Variants in RBBP6 observed in about 807,000 individuals in gnomAD.
RBBP6 encodes the protein E3 ubiquitin-protein ligase RBBP6.
In RBBP6, 25 loss-of-function variants were observed where a neutral mutation model predicts 167.7. That is an observed-to-expected ratio of 0.15 (90% CI 0.11 to 0.21). The LOEUF is 0.21. RBBP6 is among the 10% of genes least tolerant of loss of function. RBBP6 has a pLI of 1.00. For missense variants in RBBP6, 1,868 were observed against 2,134.2 expected (o/e 0.88, Z 2.46); for synonymous variants, 789 against 735.8 (o/e 1.07, Z -1.17).
In RBBP6 at chr16:24,549,069, T is replaced by C. The variant is rs750958664; in HGVS notation, c.303+88T>C. 5 of 1,559,888 alleles carry C rather than the reference T, an allele frequency of 3.2e-6. No homozygotes were observed. In the East Asian group the frequency reaches 7.1e-5, roughly 22 times the overall value. Reference sequence around the variant, plus strand: ...TGAAGTAAATCATTTTAGAACTTAATATCCAACTGATCATAGTACATATTG... The same window carrying C: ...TGAAGTAAATCATTTTAGAACTTAACATCCAACTGATCATAGTACATATTG... On this transcript the variant is annotated intron_variant, in intron 3 of 17. Transcript: ENST00000319715.
In RBBP6 at chr16:24,572,768, AG is replaced by A. The variant is rs2141481499; in HGVS notation, c.*324del. On this transcript the variant is annotated 3_prime_UTR_variant, in exon 18 of 18. Coordinates refer to ENST00000319715, the MANE Select transcript of RBBP6 (RefSeq NM_006910.5). ...TAATTGCCTGGCAAAAGCTGATATA[AG>A]TTCTAAAATATCAGCAGAATGATTT... The A allele has an allele frequency of 4.6e-6, 1 of 216,198 alleles. No individual in the cohort carries two copies. Among genetic ancestry groups the A allele is most frequent in the East Asian group, 1.0e-4 (1 of 9,898 alleles). The allele number at this position is 216,198 out of a possible 1,614,324, so 13.4% of individuals were successfully genotyped here.
rs189300234 is a variant in RBBP6 at position 24,567,251 on chromosome 16, G to T, written c.1698G>T (p.Pro566=). 3 of 1,613,950 alleles carry T rather than the reference G, an allele frequency of 1.9e-6. No individual in the cohort carries two copies. Among genetic ancestry groups the T allele is most frequent in the South Asian group, 2.2e-5 (2 of 91,072 alleles). Residue 566 remains proline (P), a synonymous_variant, in exon 15 of 18, where the codon CCG becomes CCT. Coordinates refer to ENST00000319715, the MANE Select transcript of RBBP6 (RefSeq NM_006910.5). ...FVPVPPPPLY[P]PPPHTLPLPP... is the part of the protein sequence containing the mutation. The stretch of plus-strand genomic sequence containing the variant: ...CTGTTCCACCACCTCCTTTGTATCC[G>T]CCTCCTCCCCATACACTTCCTCTCC...
intron 3 of RBBP6, chr16:24,549,449 T>C (rs903581927): frequency 4.4e-6 from 4 of 902,936 alleles, no homozygotes; most frequent in Non-Finnish European, 5.3e-6. Context: ...TTAGTTTTTT[T>C]TTTCCTGCCT....
chr16:24,566,579 A>C (rs1774585198), intron 14 of RBBP6, among the ~76,000 whole-genome samples: 1 of 152,094 alleles, frequency 6.6e-6, no homozygotes, highest in Admixed American at 6.5e-5. Context: ...TGTCTCTCCT[A>C]AAAATACAAA....
rs530848139 is a variant in RBBP6 at position 24,539,969 on chromosome 16, C to T, written c.-658C>T. 5.2e-5 allele frequency: 8 copies of T among 152,880 alleles called. No individual in the cohort carries two copies. In the South Asian group the frequency reaches 1.5e-3, roughly 29 times the overall value. The allele number at this position is 152,880 out of a possible 1,614,324, so 9.5% of individuals were successfully genotyped here. ...AGCCGGGGGCGGCCTGCGGGAAGGC[C>T]TCTCCTCCGCCGACCGCGCGTTTTC... is the stretch of plus-strand genomic sequence containing the variant. On this transcript the variant is annotated 5_prime_UTR_variant, in exon 1 of 18. Transcript: ENST00000319715.
At position 24,570,376 on chromosome 16, in the gene RBBP6, A is replaced by C. The variant is rs139757525; in HGVS notation, c.3686A>C (p.Lys1229Thr). 3 of 1,613,044 alleles carry C rather than the reference A, an allele frequency of 1.9e-6. No homozygotes were observed. The highest frequency in any genetic ancestry group is 2.5e-6 in the Non-Finnish European group (3 of 1,179,834). ...IGSTENISNT[K>T]EPSEKLESTS... ...AGTACAGAAAATATATCAAACACAA[A>C]AGAACCCTCTGAAAAATTGGAGTCA... Residue 1229 changes from lysine to threonine, a missense_variant, in exon 17 of 18, where the codon AAA becomes ACA. By Grantham distance (78) the Lys-to-Thr change is moderately conservative. This residue lies in a region of RBBP6 where 673 missense variants were observed against 691.5 expected (regional missense o/e 0.97). Coordinates refer to ENST00000319715, the MANE Select transcript of RBBP6 (RefSeq NM_006910.5).
At chr16:24,543,535 C>G (rs1898558175) in intron 1 of RBBP6, among the ~76,000 whole-genome samples, 1 of 151,982 alleles carries the variant, frequency 6.6e-6, no homozygotes, top group Non-Finnish European at 1.5e-5. Context: ...CCCAAGTGTT[C>G]TCCTGCCTTG....
At chr16:24,567,750 ATGGTTTTTG>A in intron 15 of RBBP6, 33 bp from the exon 16 acceptor site, 1 of 1,496,504 alleles carries the variant, frequency 6.7e-7, no homozygotes, top group Non-Finnish European at 9.2e-7. Flanking sequence ...GTTTTCTTAA[ATGGTTTTTG>A]TTAACTTTCA....
At position 24,540,811 on chromosome 16, in the gene RBBP6, TAAGATA is replaced by T; in HGVS notation, c.166+20_166+25del. 2.5e-6 allele frequency: 4 copies of T among 1,602,138 alleles called. No individual in the cohort carries two copies. Among genetic ancestry groups the T allele is most frequent in the Non-Finnish European group, 3.4e-6 (4 of 1,175,310 alleles). ...AAAGAAGGTAAGGGCCGCTTGGTCT[TAAGATA>T]TTTGGTGGCTGGAGAGAGATACTAG... On this transcript the variant is annotated intron_variant, in intron 1 of 17. Transcript: ENST00000319715.
chr16:24,572,546 C>A lies in RBBP6; in HGVS notation c.*101C>A. 1 of 1,381,344 alleles carries A rather than the reference C, an allele frequency of 7.2e-7. No homozygotes were observed. Among genetic ancestry groups the A allele is most frequent in the Non-Finnish European group, 9.5e-7 (1 of 1,051,890 alleles). The allele number at this position is 1,381,344 out of a possible 1,614,324, so 85.6% of individuals were successfully genotyped here. A position where few individuals can be genotyped will look rare whatever the true frequency, so the allele number is the denominator to read the frequency against. Reference sequence around the variant, plus strand: ...GCCTTGTAAATAATGACATGGAAGACCCTGTGCTGCACTTAAAATATTGCT... The same window carrying A: ...GCCTTGTAAATAATGACATGGAAGAACCTGTGCTGCACTTAAAATATTGCT... On this transcript the variant is annotated 3_prime_UTR_variant, in exon 18 of 18. Coordinates refer to ENST00000319715, the MANE Select transcript of RBBP6 (RefSeq NM_006910.5).
intron 7 of RBBP6, chr16:24,558,532 A>G: frequency 4.2e-6 from 4 of 959,758 alleles, no homozygotes; most frequent in Non-Finnish European, 5.0e-6. Flanking sequence ...TAACACACCT[A>G]AGGTACCCTA....
Position 24,562,056 on chromosome 16 carries a change from C to G in RBBP6, c.1184C>G (p.Ala395Gly). The G allele has an allele frequency of 6.2e-7, 1 of 1,612,742 alleles. No homozygotes were observed. The highest frequency in any genetic ancestry group is 1.6e-4 in the Middle Eastern group (1 of 6,062). Residue 395 changes from alanine to glycine, a missense_variant, in exon 10 of 18, where the codon GCC becomes GGC. By Grantham distance (60) the Ala-to-Gly change is moderately conservative. Transcript: ENST00000319715. ...TTAACTTCTAATCAGTCTTCCTTGG[C>G]CCCTCCTGTGTCTGGAAATCCGTCT... is the stretch of plus-strand genomic sequence containing the variant. ...SSLTSNQSSL[A>G]PPVSGNPSSA...
intron 7 of RBBP6, among the ~76,000 whole-genome samples, chr16:24,558,190 C>T (rs1430234327): frequency 6.6e-6 from 1 of 152,130 alleles, no homozygotes; most frequent in African/African-American, 2.4e-5. Flanking sequence ...TAAACCCTAA[C>T]TAATAATTAA....
chr16:24,548,329 T>TTC (rs1898712014), intron 2 of RBBP6, among the ~76,000 whole-genome samples: 1 of 151,574 alleles, frequency 6.6e-6, no homozygotes, highest in Non-Finnish European at 1.5e-5. Context: ...TTTTTTTTTT[T>TTC]TTCTGTTTTT....
chr16:24,556,569 T>A (rs1898916846), intron 7 of RBBP6, 122 bp downstream of exon 7: 2 of 1,126,696 alleles, frequency 1.8e-6, no homozygotes, highest in Non-Finnish European at 2.4e-6. Context: ...ACCAAAGCCA[T>A]TAGTCTCTAC....
At position 24,559,362 on chromosome 16, in the gene RBBP6, C is replaced by T. The variant is rs1898993108; in HGVS notation, c.675-143C>T. 24 of 544,062 alleles carry T rather than the reference C, an allele frequency of 4.4e-5. No homozygotes were observed. In the South Asian group the frequency reaches 6.2e-4, roughly 14 times the overall value. The allele number at this position is 544,062 out of a possible 1,614,324, so 33.7% of individuals were successfully genotyped here. Reference sequence around the variant, plus strand: ...AGGGTTAGGTTGTACATAATTACTCCCTTATTTTAGAAGATATGGTGCTTG... The same window carrying T: ...AGGGTTAGGTTGTACATAATTACTCTCTTATTTTAGAAGATATGGTGCTTG... On this transcript the variant is annotated intron_variant, in intron 7 of 17. Transcript: ENST00000319715.
intron 7 of RBBP6, chr16:24,558,590 C>G: frequency 1.3e-6 from 1 of 773,746 alleles, no homozygotes; most frequent in Non-Finnish European, 1.6e-6. Context: ...GATAAACACA[C>G]TCTGTTCCTG....
At chr16:24,557,624 T>C (rs950712343) in intron 7 of RBBP6, among the ~76,000 whole-genome samples, 4 of 152,044 alleles carry the variant, frequency 2.6e-5, no homozygotes, top group Non-Finnish European at 5.9e-5. Context: ...TTAGAAGTTA[T>C]GTGATAAGAC....
chr16:24,569,670 G>C lies in RBBP6; in HGVS notation c.2980G>C (p.Glu994Gln). 6.2e-7 allele frequency: 1 copy of C among 1,613,662 alleles called. No homozygotes were observed. Among genetic ancestry groups the C allele is most frequent in the Admixed American group, 1.7e-5 (1 of 59,954 alleles). The change falls in exon 17 of 18, where the codon GAA (glutamate) becomes CAA (glutamine). Residue 994 changes from glutamate (E) to glutamine (Q), a missense_variant. Around this residue, in one of 7 missense-constraint regions of RBBP6, gnomAD observed 673 missense variants for 691.5 expected, o/e 0.97. Transcript: ENST00000319715. ...TGTTAGAGATGAACCAATGGATGCA[G>C]AATCAATCACTTTTAAATCAGTGTC... ...TPVRDEPMDAESITFKSVSEK... is the reference protein window; with the variant it reads ...TPVRDEPMDAQSITFKSVSEK...
Sources: allele counts gnomAD v4.1 joint callset (sites outside exome capture counted in the v4.1 genomes callset), GRCh38; gene constraint gnomAD v4.1.1; regional missense constraint gnomAD v4.1.1; transcripts MANE v1.5; gene names NCBI Gene and HGNC (gene_info 2026-07-23, HGNC 2026-07-21).